Variants in TAFA4 observed in about 807,000 individuals in gnomAD.
TAFA4 encodes TAFA chemokine like family member 4, also known as chemokine-like protein TAFA-4.
A neutral mutation model predicts 21.1 loss-of-function variants in TAFA4; 20 were observed. That is an observed-to-expected ratio of 0.95 (90% CI 0.67 to 1.38). The LOEUF is 1.38. Ranked by LOEUF, TAFA4 falls within the 40% of genes most tolerant of loss-of-function variation. The probability of loss-of-function intolerance (pLI) is 0.00; values close to 1 mark genes in which losing one functional copy is unlikely to be tolerated. For missense variants in TAFA4, 211 were observed against 180.9 expected, an observed-to-expected ratio of 1.17 and a Z score of -0.95; for synonymous variants, 71 against 67.4, an observed-to-expected ratio of 1.05 and a Z score of -0.26.
intron 3 of TAFA4, among the ~76,000 whole-genome samples, chr3:68,811,855 T>C (rs1346676375): frequency 6.6e-6 from 1 of 151,858 alleles, no homozygotes; most frequent in Admixed American, 6.6e-5. Flanking sequence ...GAAGAGCAAC[T>C]CCAAGACACA....
intron 3 of TAFA4, among the ~76,000 whole-genome samples, chr3:68,847,132 G>A (rs4586813): frequency 4.6e-5 from 7 of 151,996 alleles, no homozygotes; most frequent in Admixed American, 2.0e-4. Context: ...TCCCTTCCCC[G>A]AGGTGATCTG....
chr3:68,812,135 G>T (rs1248336619), intron 3 of TAFA4, among the ~76,000 whole-genome samples: 1 of 152,180 alleles, frequency 6.6e-6, no homozygotes, highest in African/African-American at 2.4e-5. Context: ...GAGAGATTCT[G>T]TCACCACCAG....
At chr3:68,751,461 T>G (rs975675599) in intron 4 of TAFA4, among the ~76,000 whole-genome samples, 1 of 152,110 alleles carries the variant, frequency 6.6e-6, no homozygotes, top group African/African-American at 2.4e-5. Context: ...GCAGAAAGAA[T>G]GGTTGTGATG....
intron 3 of TAFA4, among the ~76,000 whole-genome samples, chr3:68,819,133 A>T (rs1704053897): frequency 6.6e-6 from 1 of 152,156 alleles, no homozygotes; most frequent in South Asian, 2.1e-4. Context: ...ATCAGCTGGC[A>T]TGGTGACACA....
chr3:68,822,422 C>G (rs1048571740), intron 3 of TAFA4, among the ~76,000 whole-genome samples: 1 of 152,146 alleles, frequency 6.6e-6, no homozygotes, highest in Non-Finnish European at 1.5e-5. Context: ...GACTTATCCA[C>G]TCTTTTTTAT....
intron 2 of TAFA4, among the ~76,000 whole-genome samples, chr3:68,882,374 C>T (rs934073281): frequency 1.3e-5 from 2 of 151,986 alleles, no homozygotes; most frequent in African/African-American, 4.8e-5. Flanking sequence ...ATACAATGTC[C>T]AGATTGCAAA....
intron 3 of TAFA4, among the ~76,000 whole-genome samples, chr3:68,817,225 T>C (rs563568889): frequency 5.3e-5 from 8 of 152,322 alleles, no homozygotes; most frequent in African/African-American, 1.9e-4. Context: ...CAAAATTCCA[T>C]CTCAGGAAAC....
intron 3 of TAFA4, among the ~76,000 whole-genome samples, chr3:68,858,232 A>G (rs1342162754): frequency 1.3e-5 from 2 of 152,134 alleles, no homozygotes; most frequent in African/African-American, 4.8e-5. Flanking sequence ...GAGCAAATGC[A>G]TCGTGGAAAT....
At chr3:68,892,619 C>T (rs1262536726) in intron 1 of TAFA4, among the ~76,000 whole-genome samples, 1 of 152,172 alleles carries the variant, frequency 6.6e-6, no homozygotes, top group African/African-American at 2.4e-5. Context: ...TTAAAAAACG[C>T]TCTTCTAGTC....
chr3:68,749,909 C>G (rs538170430), intron 4 of TAFA4, among the ~76,000 whole-genome samples: 9 of 152,116 alleles, frequency 5.9e-5, no homozygotes, highest in African/African-American at 1.9e-4. Flanking sequence ...CCACACTGGA[C>G]ATATATATCA....
At chr3:68,848,454 T>C (rs1704862892) in intron 3 of TAFA4, among the ~76,000 whole-genome samples, 1 of 152,242 alleles carries the variant, frequency 6.6e-6, no homozygotes, top group South Asian at 2.1e-4. Flanking sequence ...CTGTGACCTA[T>C]ATGCCTTTTT....
At chr3:68,903,108 C>T (rs1248833008) in intron 1 of TAFA4, among the ~76,000 whole-genome samples, 1 of 152,140 alleles carries the variant, frequency 6.6e-6, no homozygotes, top group African/African-American at 2.4e-5. Flanking sequence ...AGGCACAGTG[C>T]TAGCCAATGC....
At chr3:68,778,578 C>T (rs1023853574) in intron 3 of TAFA4, among the ~76,000 whole-genome samples, 2 of 152,136 alleles carry the variant, frequency 1.3e-5, no homozygotes, top group Non-Finnish European at 2.9e-5. Context: ...GTTCTCATGA[C>T]AGTGAATAAG....
chr3:68,831,255 A>G (rs926977060), intron 3 of TAFA4, among the ~76,000 whole-genome samples: 1 of 152,142 alleles, frequency 6.6e-6, no homozygotes, highest in Non-Finnish European at 1.5e-5. Flanking sequence ...AATTTCACCC[A>G]TTAATTGATG....
intron 5 of TAFA4, among the ~76,000 whole-genome samples, chr3:68,736,852 A>T (rs1475669511): frequency 6.6e-6 from 1 of 152,156 alleles, no homozygotes; most frequent in African/African-American, 2.4e-5. Flanking sequence ...TGACTTCAAG[A>T]TTATTCTCAA....
At chr3:68,834,133 C>A (rs931817114) in intron 3 of TAFA4, among the ~76,000 whole-genome samples, 5 of 152,146 alleles carry the variant, frequency 3.3e-5, no homozygotes, top group South Asian at 2.1e-4. Flanking sequence ...AGAAAAGGAA[C>A]CTAGCATTCA....
rs971205237 is a variant in TAFA4 at position 68,814,602 on chromosome 3, AC to A, written c.131-61585del. 3.9e-5 allele frequency among the ~76,000 whole-genome samples: 6 copies of A among 152,180 alleles called. 1 individual carries two copies. The highest frequency in any genetic ancestry group is 3.9e-4 in the Admixed American group (6 of 15,270). On this transcript the variant is annotated intron_variant, in intron 3 of 5. Coordinates refer to ENST00000295569, the MANE Select transcript of TAFA4 (RefSeq NM_182522.5). ...AATAAAATACCTAGGAATCCAACTTACAAGGAATGTGAAGGACCTCTTCAAG... is the reference window on the plus strand; with the variant it reads ...AATAAAATACCTAGGAATCCAACTTAAAGGAATGTGAAGGACCTCTTCAAG...
intron 3 of TAFA4, among the ~76,000 whole-genome samples, chr3:68,801,711 T>C (rs1296194849): frequency 6.6e-6 from 1 of 152,138 alleles, no homozygotes; most frequent in Non-Finnish European, 1.5e-5. Flanking sequence ...AACTGCAAAA[T>C]CAAGGCTGTT....
chr3:68,780,043 T>C (rs1703126611), intron 3 of TAFA4, among the ~76,000 whole-genome samples: 1 of 152,088 alleles, frequency 6.6e-6, no homozygotes, highest in Non-Finnish European at 1.5e-5. Flanking sequence ...AGACATGGAG[T>C]CAAAGGATAT....
Sources: gnomAD v4.1 joint callset for allele counts (sites outside exome capture counted in the v4.1 genomes callset) on GRCh38, gnomAD v4.1.1 for gene constraint, MANE v1.5 for transcripts, NCBI Gene and HGNC (gene_info 2026-07-23, HGNC 2026-07-21) for gene names.